CSNK2A2IP: variants seen among roughly 807,000 people sequenced by gnomAD.
CSNK2A2IP encodes casein kinase II subunit alpha'-interacting protein.
At chr3:88,370,612 CTT>C in the CSNK2A2IP span, among the ~76,000 whole-genome samples, 205 of 59,016 alleles carry the variant, frequency 3.5e-3, no homozygotes, top group African/African-American at 6.1e-3. Context: ...CTCTCTCTCT[CTT>C]TCTTTCTTTC....
At chr3:88,383,754 C>T in the CSNK2A2IP span, among the ~76,000 whole-genome samples, 5 of 150,684 alleles carry the variant, frequency 3.3e-5, no homozygotes, top group African/African-American at 4.9e-5. Flanking sequence ...ACCTCCGCCT[C>T]CCCGGTTCAT....
At chr3:88,446,038 C>CTTTCTCTCTTTA in the CSNK2A2IP span, among the ~76,000 whole-genome samples, 11 of 11,338 alleles carry the variant, frequency 9.7e-4, 2 homozygotes, top group South Asian at 0.03. Flanking sequence ...TCTTTTCTTT[C>CTTTCTCTCTTTA]TTTCTTTCTT....
At chr3:88,395,858 C>G in the CSNK2A2IP span, among the ~76,000 whole-genome samples, 75 of 152,140 alleles carry the variant, frequency 4.9e-4, no homozygotes, top group African/African-American at 1.5e-3. Flanking sequence ...TTATGTTATT[C>G]AAGACAGTAT....
chr3:88,445,958 C>T, the CSNK2A2IP span, among the ~76,000 whole-genome samples: 1 of 119,358 alleles, frequency 8.4e-6, no homozygotes, highest in Non-Finnish European at 2.0e-5. Context: ...CTCTCTCTCT[C>T]TCCCTCCCTC....
the CSNK2A2IP span, among the ~76,000 whole-genome samples, chr3:88,451,538 A>C: frequency 6.6e-6 from 1 of 152,014 alleles, no homozygotes; most frequent in Non-Finnish European, 1.5e-5. Context: ...CGCCCTTGAA[A>C]TAATTATAAT....
the CSNK2A2IP span, among the ~76,000 whole-genome samples, chr3:88,356,870 A>G: frequency 2.6e-5 from 4 of 152,020 alleles, no homozygotes; most frequent in Non-Finnish European, 5.9e-5. Context: ...CATTTTTCTT[A>G]TATCTGTTGG....
the CSNK2A2IP span, among the ~76,000 whole-genome samples, chr3:88,354,686 G>A: frequency 6.6e-5 from 10 of 152,188 alleles, no homozygotes; most frequent in East Asian, 1.9e-3. Context: ...TGTTTTAATA[G>A]CAAATGAACA....
the CSNK2A2IP span, among the ~76,000 whole-genome samples, chr3:88,418,950 G>A: frequency 6.6e-6 from 1 of 152,078 alleles, no homozygotes; most frequent in African/African-American, 2.4e-5. Context: ...GATCAGCAGT[G>A]GCTTTAGATT....
the CSNK2A2IP span, among the ~76,000 whole-genome samples, chr3:88,385,872 T>A: frequency 6.6e-6 from 1 of 152,134 alleles, no homozygotes; most frequent in East Asian, 1.9e-4. Flanking sequence ...AGCTTCTACT[T>A]TCTCAAAAAA....
chr3:88,390,735 G>A, the CSNK2A2IP span, among the ~76,000 whole-genome samples: 1 of 152,142 alleles, frequency 6.6e-6, no homozygotes, highest in Non-Finnish European at 1.5e-5. Flanking sequence ...AATTAGTGCA[G>A]CAATATAAGT....
chr3:88,422,514 G>T, the CSNK2A2IP span, among the ~76,000 whole-genome samples: 1 of 152,130 alleles, frequency 6.6e-6, no homozygotes, highest in African/African-American at 2.4e-5. Flanking sequence ...TAACACTTGT[G>T]GTCCAAAACA....
the CSNK2A2IP span, among the ~76,000 whole-genome samples, chr3:88,453,310 G>A: frequency 1.3e-5 from 2 of 152,192 alleles, no homozygotes; most frequent in South Asian, 2.1e-4. Context: ...GATATTGAGA[G>A]TTTGGCAGGC....
the CSNK2A2IP span, among the ~76,000 whole-genome samples, chr3:88,384,683 G>C: frequency 6.6e-6 from 1 of 152,178 alleles, no homozygotes; most frequent in African/African-American, 2.4e-5. Context: ...TGTGGCTATA[G>C]AAAATGGCCT....
the CSNK2A2IP span, among the ~76,000 whole-genome samples, chr3:88,350,518 G>T: frequency 6.6e-6 from 1 of 151,476 alleles, no homozygotes; most frequent in Non-Finnish European, 1.5e-5. Flanking sequence ...GAGAAAATTT[G>T]GAAAATGAGA....
the CSNK2A2IP span, among the ~76,000 whole-genome samples, chr3:88,381,033 GT>G: frequency 6.6e-6 from 1 of 152,238 alleles, no homozygotes; most frequent in East Asian, 1.9e-4. Context: ...CATGAAAGAG[GT>G]TACTTAAAAC....
At chr3:88,426,889 T>TGGGGG in the CSNK2A2IP span, among the ~76,000 whole-genome samples, 5 of 123,730 alleles carry the variant, frequency 4.0e-5, no homozygotes, top group Non-Finnish European at 6.7e-5. Flanking sequence ...CCACGGGGGA[T>TGGGGG]GGGGGGGGGC....
the CSNK2A2IP span, among the ~76,000 whole-genome samples, chr3:88,362,356 CA>C: frequency 2.6e-5 from 4 of 152,292 alleles, no homozygotes; most frequent in Non-Finnish European, 2.9e-5. Flanking sequence ...GTGATTCTTG[CA>C]GACTTCTAGA....
the CSNK2A2IP span, among the ~76,000 whole-genome samples, chr3:88,363,000 T>A: frequency 6.6e-6 from 1 of 152,130 alleles, no homozygotes; most frequent in Non-Finnish European, 1.5e-5. Flanking sequence ...TCTGTGGGCA[T>A]CAGTGGAATT....
At chr3:88,377,785 T>C in the CSNK2A2IP span, among the ~76,000 whole-genome samples, 1 of 151,888 alleles carries the variant, frequency 6.6e-6, no homozygotes, top group Non-Finnish European at 1.5e-5. Flanking sequence ...CAGTGTTACA[T>C]CTGGTATTTG....
Sources: allele counts gnomAD v4.1 joint callset (sites outside exome capture counted in the v4.1 genomes callset), GRCh38; gene constraint gnomAD v4.1.1; transcripts MANE v1.5; gene names NCBI Gene and HGNC (gene_info 2026-07-23, HGNC 2026-07-21).